The following LINGO2 variants were observed in gnomAD, a reference collection of about 807,000 sequenced individuals.
The protein encoded by LINGO2 is leucine-rich repeat and immunoglobulin-like domain-containing nogo receptor-interacting protein 2.
A neutral mutation model predicts 30.6 loss-of-function variants in LINGO2; 14 were observed. The observed-to-expected ratio is 0.46, with a 90% CI of 0.30 to 0.72. The LOEUF is 0.72. Ranked by LOEUF, LINGO2 falls within the 30% of genes least tolerant of loss-of-function variation. LINGO2 has a pLI of 0.07. For synonymous variants in LINGO2, 317 were observed against 288.5 expected (o/e 1.10, Z -1.00); for missense variants, 729 against 751.7 (o/e 0.97, Z 0.35).
chr9:28,311,282 C>A (rs1021500098), intron 3 of LINGO2, among the ~76,000 whole-genome samples: 3 of 152,036 alleles, frequency 2.0e-5, no homozygotes, highest in African/African-American at 7.2e-5. Flanking sequence ...ATCACAGGAC[C>A]ACAGGACCGG....
the LINGO2 span, among the ~76,000 whole-genome samples, chr9:28,984,048 A>G: frequency 6.6e-6 from 1 of 152,034 alleles, no homozygotes; most frequent in Non-Finnish European, 1.5e-5. Flanking sequence ...AGCTTTTTTA[A>G]AAAGGCATAA....
chr9:28,958,419 G>A, the LINGO2 span, among the ~76,000 whole-genome samples: 2 of 152,092 alleles, frequency 1.3e-5, no homozygotes, highest in East Asian at 3.9e-4. Context: ...ATACAGTAAT[G>A]GCAAAACAAG....
chr9:28,016,099 T>C (rs148814599), intron 4 of LINGO2, among the ~76,000 whole-genome samples: 1 of 152,134 alleles, frequency 6.6e-6, no homozygotes, highest in African/African-American at 2.4e-5. Flanking sequence ...TGATCCTGAT[T>C]TTGTGACCAA....
chr9:28,371,153 T>A (rs984989529), intron 3 of LINGO2, among the ~76,000 whole-genome samples: 2 of 152,224 alleles, frequency 1.3e-5, no homozygotes, highest in Admixed American at 1.3e-4. Flanking sequence ...ATTTTCCTTT[T>A]TTAATTTCTC....
the LINGO2 span, among the ~76,000 whole-genome samples, chr9:28,687,755 TTTTG>T: frequency 2.6e-5 from 4 of 152,160 alleles, no homozygotes; most frequent in Admixed American, 6.5e-5. Flanking sequence ...GGTGATTTTT[TTTTG>T]TTTATTTTTA....
intron 4 of LINGO2, among the ~76,000 whole-genome samples, chr9:28,217,923 T>C (rs1305689044): frequency 6.6e-6 from 1 of 151,838 alleles, no homozygotes; most frequent in African/African-American, 2.4e-5. Flanking sequence ...AATAATTATC[T>C]ATTATAAGAA....
chr9:28,920,781 T>C, the LINGO2 span, among the ~76,000 whole-genome samples: 1 of 152,140 alleles, frequency 6.6e-6, no homozygotes, highest in Non-Finnish European at 1.5e-5. Context: ...ATTGTTTCTA[T>C]ACACATACTT....
the LINGO2 span, among the ~76,000 whole-genome samples, chr9:29,130,865 T>A: frequency 6.6e-6 from 1 of 151,950 alleles, no homozygotes; most frequent in Non-Finnish European, 1.5e-5. Context: ...AATACTAAGG[T>A]TAGATAGTTG....
At chr9:28,809,078 G>T in the LINGO2 span, among the ~76,000 whole-genome samples, 1 of 152,100 alleles carries the variant, frequency 6.6e-6, no homozygotes, top group Non-Finnish European at 1.5e-5. Flanking sequence ...AAACACATCT[G>T]GCAAGTAGAA....
the LINGO2 span, among the ~76,000 whole-genome samples, chr9:28,884,133 T>G: frequency 6.6e-6 from 1 of 151,942 alleles, no homozygotes; most frequent in Non-Finnish European, 1.5e-5. Flanking sequence ...TCAACGAAAA[T>G]TAGTTGAACA....
intron 1 of LINGO2, among the ~76,000 whole-genome samples, chr9:28,566,737 T>C (rs1263083673): frequency 6.6e-6 from 1 of 152,206 alleles, no homozygotes; most frequent in Non-Finnish European, 1.5e-5. Context: ...GGATATGGCA[T>C]GCTTTGCACT....
chr9:28,147,710 A>G lies in LINGO2; in HGVS notation c.-86-135305T>C. On this transcript the variant is annotated intron_variant, in intron 4 of 5. Coordinates refer to ENST00000379992, the Ensembl canonical transcript of LINGO2. The surrounding 1 kb of genome is among the most constrained non-coding windows in gnomAD (Gnocchi z 4.7). Reference sequence around the variant, plus strand: ...AACAGCCCCACGGGGGGGCCCGTCCAGGGCCACACAACTGCCCCCAGGAGC... The same window carrying G: ...AACAGCCCCACGGGGGGGCCCGTCCGGGGCCACACAACTGCCCCCAGGAGC... Among the ~76,000 whole-genome samples the G allele has an allele frequency of 6.6e-6, 1 of 152,150 alleles. No homozygotes were observed. The highest frequency in any genetic ancestry group is 2.4e-5 in the African/African-American group (1 of 41,458).
chr9:28,354,098 C>G (rs1820048043), intron 3 of LINGO2, among the ~76,000 whole-genome samples: 1 of 151,910 alleles, frequency 6.6e-6, no homozygotes, highest in Non-Finnish European at 1.5e-5. Context: ...CGCATGTATA[C>G]ATATGTAACT....
chr9:27,982,068 GA>G (rs1820907311), intron 5 of LINGO2, among the ~76,000 whole-genome samples: 1 of 151,772 alleles, frequency 6.6e-6, no homozygotes, highest in Non-Finnish European at 1.5e-5. Flanking sequence ...CTTCCCTCAT[GA>G]AATTTTAAAT....
chr9:28,034,082 C>T (rs1823814877), intron 4 of LINGO2, among the ~76,000 whole-genome samples: 1 of 152,188 alleles, frequency 6.6e-6, no homozygotes, highest in South Asian at 2.1e-4. Context: ...CTAGGAGGCT[C>T]CTCCAAAGTG....
At chr9:28,902,155 T>C in the LINGO2 span, among the ~76,000 whole-genome samples, 2 of 152,152 alleles carry the variant, frequency 1.3e-5, no homozygotes, top group Non-Finnish European at 2.9e-5. Flanking sequence ...ACAGACTCAT[T>C]TGAAGAGATA....
chr9:28,274,418 T>C (rs1823046538), intron 4 of LINGO2, among the ~76,000 whole-genome samples: 1 of 152,234 alleles, frequency 6.6e-6, no homozygotes, highest in African/African-American at 2.4e-5. Flanking sequence ...TGATAGCATA[T>C]TCTAATTTTC....
chr9:28,410,563 T>C (rs1368130339), intron 2 of LINGO2, among the ~76,000 whole-genome samples: 1 of 152,082 alleles, frequency 6.6e-6, no homozygotes, highest in African/African-American at 2.4e-5. Flanking sequence ...TCCTGTGACT[T>C]AAGTCCTGAC....
At chr9:29,025,598 T>G in the LINGO2 span, among the ~76,000 whole-genome samples, 4 of 152,152 alleles carry the variant, frequency 2.6e-5, no homozygotes, top group Non-Finnish European at 5.9e-5. Flanking sequence ...TATGATGTTT[T>G]GAAGTGAAAT....
Sources: allele counts gnomAD v4.1 joint callset (sites outside exome capture counted in the v4.1 genomes callset), GRCh38; gene constraint gnomAD v4.1.1; non-coding constraint Gnocchi (gnomAD v3.1); transcripts MANE v1.5; gene names NCBI Gene and HGNC (gene_info 2026-07-23, HGNC 2026-07-21).